Variants in RUFY3 observed in about 807,000 individuals in gnomAD.
RUFY3 encodes the protein RUN and FYVE domain containing 3, also known as protein RUFY3.
In RUFY3, 34 loss-of-function variants were observed where a neutral mutation model predicts 84.0. The observed-to-expected ratio is 0.40, with a 90% CI of 0.31 to 0.54. The LOEUF (loss-of-function observed/expected upper bound fraction) is 0.54, where lower values mean the gene tolerates loss of function less well. Ranked by LOEUF, RUFY3 falls within the 20% of genes least tolerant of loss-of-function variation. The probability of loss-of-function intolerance (pLI) is 0.39; values close to 1 mark genes in which losing one functional copy is unlikely to be tolerated. For synonymous variants in RUFY3, 242 were observed against 252.9 expected, an observed-to-expected ratio of 0.96 and a Z score of 0.41; for missense variants, 507 against 736.8, an observed-to-expected ratio of 0.69 and a Z score of 3.61.
chr4:70,721,058 A>G (rs1250715191), upstream of RUFY3, among the ~76,000 whole-genome samples: 5 of 152,270 alleles, frequency 3.3e-5, no homozygotes, highest in South Asian at 8.3e-4. Flanking sequence ...TCACGCCTGT[A>G]ATCCCAGCAC....
chr4:70,786,643 C>A (rs1258775229), intron 10 of RUFY3, among the ~76,000 whole-genome samples: 1 of 151,984 alleles, frequency 6.6e-6, no homozygotes, highest in Non-Finnish European at 1.5e-5. Flanking sequence ...ATTATCAAAA[C>A]ATCATGTTCT....
At chr4:70,721,921 T>C (rs1742347444), upstream of RUFY3, 18 of 1,231,602 alleles carry the variant, frequency 1.5e-5, no homozygotes, top group Non-Finnish European at 1.8e-5. Context: ...TTGCTTGCCC[T>C]ACGTTCAGAG....
chr4:70,772,785 C>G (rs1316140023), intron 5 of RUFY3, among the ~76,000 whole-genome samples: 1 of 152,138 alleles, frequency 6.6e-6, no homozygotes, highest in East Asian at 1.9e-4. Flanking sequence ...CTCAGCCTCC[C>G]GAGTAGCTGG....
intron 12 of RUFY3, chr4:70,791,355 G>A: frequency 6.2e-7 from 1 of 1,600,930 alleles, no homozygotes; most frequent in Non-Finnish European, 8.5e-7. Context: ...GTAAAAGGAA[G>A]AAATCTGAAA....
intron 15 of RUFY3, among the ~76,000 whole-genome samples, chr4:70,800,569 T>C (rs1289244382): frequency 1.3e-5 from 2 of 152,186 alleles, no homozygotes. Context: ...GAGTATGACT[T>C]GTTTCTACCT....
At chr4:70,705,599 C>G (rs1038067939) in intron 1 of RUFY3, among the ~76,000 whole-genome samples, 3 of 152,196 alleles carry the variant, frequency 2.0e-5, no homozygotes, top group Non-Finnish European at 4.4e-5. Context: ...CTCCCACGTG[C>G]TTGGGCGGGG....
intron 1 of RUFY3, among the ~76,000 whole-genome samples, chr4:70,753,471 C>G (rs1421474399): frequency 6.6e-6 from 1 of 152,186 alleles, no homozygotes. Flanking sequence ...ATGAAGCCAA[C>G]TGTGAAATCA....
intron 1 of RUFY3, among the ~76,000 whole-genome samples, chr4:70,745,186 C>T (rs1281004245): frequency 1.3e-5 from 2 of 152,078 alleles, no homozygotes; most frequent in African/African-American, 4.8e-5. Flanking sequence ...CCTCGTGGTC[C>T]ACCCGCCTTG....
rs150190740 is a variant in RUFY3, at chr4:70,788,951, A to G, written c.1217A>G (p.His406Arg). ...CTGGATGACCTCAGAGCTCTCAAGCATGAACTTGCCTTTAAGCTGCAGGTA... is the reference window on the plus strand; with the variant it reads ...CTGGATGACCTCAGAGCTCTCAAGCGTGAACTTGCCTTTAAGCTGCAGGTA... ...QQLDDLRALK[H>R]ELAFKLQSSD... The change falls in exon 11 of 18, where the codon CAT becomes CGT. Residue 406 changes from histidine (H) to arginine (R), a missense_variant. This residue lies in a region of RUFY3 where 334 missense variants were observed against 364.1 expected (regional missense o/e 0.92). Transcript: ENST00000381006. The G allele has an allele frequency of 3.2e-5, 52 of 1,614,044 alleles. No individual in the cohort carries two copies. The highest frequency in any genetic ancestry group is 1.1e-4 in the African/African-American group (8 of 74,928).
At chr4:70,745,490 T>C (rs1722053887) in intron 1 of RUFY3, among the ~76,000 whole-genome samples, 1 of 152,194 alleles carries the variant, frequency 6.6e-6, no homozygotes, top group Non-Finnish European at 1.5e-5. Flanking sequence ...TCAATAAATA[T>C]CGGATTTCTG....
chr4:70,793,184 G>A, intron 12 of RUFY3: 3 of 986,036 alleles, frequency 3.0e-6, no homozygotes, highest in South Asian at 9.4e-5. Flanking sequence ...CACATCTTTT[G>A]TGGGAATGGG....
chr4:70,782,530 G>T (rs551019176), intron 8 of RUFY3, among the ~76,000 whole-genome samples: 3 of 151,978 alleles, frequency 2.0e-5, no homozygotes, highest in African/African-American at 4.8e-5. Flanking sequence ...TGATCCGCTC[G>T]CATCAGCCTC....
In RUFY3 at chr4:70,722,248, G is replaced by T. The variant is rs1167286984; in HGVS notation, c.-326G>T. ...AGCTGTGCGGGATTTAAAGCCTATA[G>T]CTCAGCTGAAAAAAAAGGTGGGGGG... On this transcript the variant is annotated 5_prime_UTR_variant, in exon 1 of 18. Coordinates refer to ENST00000381006, the MANE Select transcript of RUFY3 (RefSeq NM_001037442.4). 5 of 1,231,732 alleles carry T rather than the reference G, an allele frequency of 4.1e-6. No individual in the cohort carries two copies. The highest frequency in any genetic ancestry group is 8.3e-5 in the Admixed American group (2 of 24,042). 76.3% of individuals were successfully genotyped at this position (1,231,732 alleles called of 1,614,324 possible). A position where few individuals can be genotyped will look rare whatever the true frequency, so the allele number is the denominator to read the frequency against.
intron 1 of RUFY3, among the ~76,000 whole-genome samples, chr4:70,708,890 T>A (rs1051015563): frequency 2.0e-5 from 3 of 152,016 alleles, no homozygotes; most frequent in African/African-American, 7.3e-5. Context: ...AAAAAAAAAT[T>A]TTTTAAATTA....
Position 70,759,498 on chromosome 4 carries a change from C to T in RUFY3, c.179-3021C>T, listed in dbSNP as rs540896482. ...GAATTAAACATGGGAATGCAGCTAT[C>T]TCTTTGTTATATCGATTTCCTTTCC... On this transcript the variant is annotated intron_variant, in intron 1 of 17. Coordinates refer to ENST00000381006, the MANE Select transcript of RUFY3 (RefSeq NM_001037442.4). Among the ~76,000 whole-genome samples the T allele has an allele frequency of 3.2e-3, 480 of 152,200 alleles. 1 individual carries two copies. Among genetic ancestry groups the T allele is most frequent in the Non-Finnish European group, 3.4e-3 (232 of 68,012 alleles).
At chr4:70,777,872 A>G (rs1286210109) in intron 7 of RUFY3, among the ~76,000 whole-genome samples, 6 of 152,244 alleles carry the variant, frequency 3.9e-5, no homozygotes, top group Non-Finnish European at 7.3e-5. Flanking sequence ...CATTGAATAA[A>G]TACTTACTGA....
chr4:70,793,343 A>G, intron 12 of RUFY3: 1 of 1,012,602 alleles, frequency 9.9e-7, no homozygotes, highest in Non-Finnish European at 1.2e-6. Context: ...ACATATAAGA[A>G]GGTAGTTGCC....
At chr4:70,787,660 T>C (rs1257226948) in intron 10 of RUFY3, among the ~76,000 whole-genome samples, 1 of 152,140 alleles carries the variant, frequency 6.6e-6, no homozygotes, top group Non-Finnish European at 1.5e-5. Context: ...TCTCAAAATA[T>C]AATACTTTTC....
At chr4:70,784,737 T>C (rs774455556) in intron 9 of RUFY3, 59 bp from the exon 10 acceptor site, 362 of 1,077,748 alleles carry the variant, frequency 3.4e-4, no homozygotes, top group Non-Finnish European at 4.3e-4. Context: ...GCAGTGTTAG[T>C]GTCTAATTCT....
Sources: gnomAD v4.1 joint callset for allele counts (sites outside exome capture counted in the v4.1 genomes callset) on GRCh38, gnomAD v4.1.1 for gene constraint, gnomAD v4.1.1 regional missense constraint, MANE v1.5 for transcripts, NCBI Gene and HGNC (gene_info 2026-07-23, HGNC 2026-07-21) for gene names.